The following FSHR variants were observed in gnomAD, a reference collection of about 807,000 sequenced individuals.
FSHR encodes follicle stimulating hormone receptor.
Under a neutral mutation model 52.1 loss-of-function variants are expected in FSHR, and 46 were observed. The ratio of observed to expected loss-of-function variants is 0.88; its 90% CI spans 0.70 to 1.13. The LOEUF (loss-of-function observed/expected upper bound fraction) is 1.13. Among genes scored for constraint, FSHR ranks in the 50% most tolerant of loss-of-function variants. The pLI is 0.00. For missense variants in FSHR, 964 were observed against 834.6 expected, an observed-to-expected ratio of 1.16 and a Z score of -1.91; for synonymous variants, 399 against 309.6, an observed-to-expected ratio of 1.29 and a Z score of -3.03.
At chr2:49,086,232 T>C (rs187504346) in intron 1 of FSHR, among the ~76,000 whole-genome samples, 23 of 152,304 alleles carry the variant, frequency 1.5e-4, no homozygotes, top group Admixed American at 2.6e-4. Flanking sequence ...TTTCAGCCCA[T>C]ACTACATTAT....
At chr2:49,125,547 G>A (rs1001136161) in intron 1 of FSHR, among the ~76,000 whole-genome samples, 5 of 152,176 alleles carry the variant, frequency 3.3e-5, no homozygotes, top group African/African-American at 1.2e-4. Flanking sequence ...AGTCAGTTCT[G>A]TTCTCTGCTG....
chr2:49,110,153 A>G (rs9309158), intron 1 of FSHR, among the ~76,000 whole-genome samples: 2 of 152,172 alleles, frequency 1.3e-5, no homozygotes, highest in African/African-American at 4.8e-5. Flanking sequence ...ACAACAGCCA[A>G]CATTAACATG....
intron 1 of FSHR, among the ~76,000 whole-genome samples, chr2:49,099,476 A>C (rs1022394369): frequency 2.0e-5 from 3 of 152,108 alleles, no homozygotes; most frequent in African/African-American, 7.2e-5. Flanking sequence ...CTTTATTAGC[A>C]GTGTGAGAAC....
In FSHR at chr2:48,987,370, AT is replaced by A. The variant is rs201936398; in HGVS notation, c.524+1606del. Among the ~76,000 whole-genome samples the A allele has an allele frequency of 9.6e-3, 1,424 of 148,050 alleles. 34 individuals are homozygous for A. The highest frequency in any genetic ancestry group is 0.069 in the East Asian group (350 of 5,080). The stretch of plus-strand genomic sequence containing the variant: ...AGATGCCTGCCACCATGCCCAGCTA[AT>A]TTTTTTTTTTTATATATTTTTAGTA... On this transcript the variant is annotated intron_variant, in intron 6 of 9. Coordinates refer to ENST00000406846, the MANE Select transcript of FSHR (RefSeq NM_000145.4).
chr2:49,068,995 A>G (rs993186873), intron 1 of FSHR, among the ~76,000 whole-genome samples: 2 of 151,878 alleles, frequency 1.3e-5, no homozygotes, highest in Non-Finnish European at 2.9e-5. Context: ...CTCTCATCTC[A>G]TCTAAAAAAA....
chr2:49,029,260 C>T lies in FSHR; in HGVS notation c.225-9100G>A, dbSNP rs748375865. ...TCCCTCTTGTGAGCACACATCGTGG[C>T]TGCTGTTTATTGAATTACGGGCCCT... On this transcript the variant is annotated intron_variant, in intron 2 of 9. Transcript: ENST00000406846. Among the ~76,000 whole-genome samples, 26 of 152,212 alleles carry T rather than the reference C, an allele frequency of 1.7e-4. 1 individual carries two copies. The highest frequency in any genetic ancestry group is 2.2e-4 in the Non-Finnish European group (15 of 68,038).
intron 2 of FSHR, among the ~76,000 whole-genome samples, chr2:49,050,868 T>G (rs542530374): frequency 7.9e-5 from 12 of 152,294 alleles, no homozygotes; most frequent in Admixed American, 5.9e-4. Context: ...TAAAAAAGTT[T>G]CCTTGTCTGC....
At chr2:49,035,615 A>G (rs941699293) in intron 2 of FSHR, among the ~76,000 whole-genome samples, 2 of 152,192 alleles carry the variant, frequency 1.3e-5, no homozygotes, top group African/African-American at 4.8e-5. Context: ...CTATGAGATC[A>G]TCATATTATA....
At chr2:49,048,058 G>C (rs1668721592) in intron 2 of FSHR, among the ~76,000 whole-genome samples, 2 of 151,858 alleles carry the variant, frequency 1.3e-5, no homozygotes, top group African/African-American at 4.8e-5. Context: ...TATTTTTTCT[G>C]AATTTTTAGT....
intron 1 of FSHR, among the ~76,000 whole-genome samples, chr2:49,099,470 A>T (rs937361680): frequency 6.6e-6 from 1 of 152,102 alleles, no homozygotes; most frequent in African/African-American, 2.4e-5. Flanking sequence ...GTATGTCTTT[A>T]TTAGCAGTGT....
chr2:49,024,801 C>T (rs569593943), intron 2 of FSHR, among the ~76,000 whole-genome samples: 85 of 152,262 alleles, frequency 5.6e-4, no homozygotes, highest in African/African-American at 1.9e-3. Flanking sequence ...GTAATAGTCA[C>T]TGAATCAAAT....
chr2:48,983,536 G>T (rs1385303851), intron 6 of FSHR, among the ~76,000 whole-genome samples: 3 of 152,168 alleles, frequency 2.0e-5, no homozygotes, highest in African/African-American at 7.2e-5. Flanking sequence ...GACAGGAATC[G>T]TACAATTATT....
chr2:49,043,632 G>A (rs1474262427), intron 2 of FSHR, among the ~76,000 whole-genome samples: 1 of 152,176 alleles, frequency 6.6e-6, no homozygotes, highest in Non-Finnish European at 1.5e-5. Flanking sequence ...CTAGCATCTT[G>A]CCTAGAGAAT....
chr2:48,996,271 A>G (rs1676019404), intron 4 of FSHR, among the ~76,000 whole-genome samples: 1 of 152,116 alleles, frequency 6.6e-6, no homozygotes, highest in Non-Finnish European at 1.5e-5. Flanking sequence ...GCAATGATGG[A>G]TAAGACTAGG....
chr2:49,154,406 G>A lies in FSHR; in HGVS notation c.12C>T (p.Leu4=). MAL[L]LVSLLAFLSL... ...TCAGGAATGCCAGCAAAGAGACCAG[G>A]AGCAGGGCCATAATTATGCATCCAT... The change falls in exon 1 of 10, where the codon CTC becomes CTT. Residue 4 remains leucine, a synonymous_variant. Transcript: ENST00000406846. The A allele has an allele frequency of 1.2e-6, 2 of 1,612,516 alleles. No homozygotes were observed. Among genetic ancestry groups the A allele is most frequent in the Admixed American group, 1.7e-5 (1 of 60,008 alleles).
rs141135052 is a variant in FSHR, at chr2:49,017,509, G to T, written c.354C>A (p.Asn118Lys). ...LLYINPEAFQ[N>K]LPNLQYLLIS... ...CTTACAGATATTGAAGGTTGGGAAG[G>T]TTCTGGAAGGCCTCAGGGTTGATGT... is the stretch of plus-strand genomic sequence containing the variant. Residue 118 changes from asparagine to lysine, a missense_variant, in exon 4 of 10, where the codon AAC becomes AAA. Asn to Lys is a moderately conservative substitution (Grantham distance 94). Transcript: ENST00000406846. 23 of 1,613,124 alleles carry T rather than the reference G, an allele frequency of 1.4e-5. No homozygotes were observed. The highest frequency in any genetic ancestry group is 2.0e-5 in the Non-Finnish European group (23 of 1,179,416).
chr2:49,092,934 C>A (rs928426863), intron 1 of FSHR, among the ~76,000 whole-genome samples: 2 of 152,042 alleles, frequency 1.3e-5, no homozygotes, highest in Non-Finnish European at 2.9e-5. Context: ...CCAAAGTGCT[C>A]GGATTACAGG....
intron 1 of FSHR, among the ~76,000 whole-genome samples, chr2:49,136,657 T>G (rs1299765500): frequency 6.6e-6 from 1 of 152,082 alleles, no homozygotes. Context: ...AAAATAATTA[T>G]ATATCATGTT....
At chr2:49,138,052 T>G (rs1462139214) in intron 1 of FSHR, among the ~76,000 whole-genome samples, 1 of 152,146 alleles carries the variant, frequency 6.6e-6, no homozygotes, top group Non-Finnish European at 1.5e-5. Flanking sequence ...ATACATGTGA[T>G]AAGGGATTTA....
Sources: gnomAD v4.1 joint callset for allele counts (sites outside exome capture counted in the v4.1 genomes callset) on GRCh38, gnomAD v4.1.1 for gene constraint, MANE v1.5 for transcripts, NCBI Gene and HGNC (gene_info 2026-07-23, HGNC 2026-07-21) for gene names.